EFCAB6: variants seen among roughly 807,000 people sequenced by gnomAD.
EFCAB6 encodes EF-hand calcium-binding domain-containing protein 6.
In EFCAB6, 156 loss-of-function variants were observed where a neutral mutation model predicts 169.8. The observed-to-expected ratio is 0.92, with a 90% CI of 0.81 to 1.05. The LOEUF is 1.05. Among genes scored for constraint, EFCAB6 ranks in the 50% least tolerant of loss-of-function variants. EFCAB6 has a pLI of 0.00. For synonymous variants in EFCAB6, 698 were observed against 676.4 expected, an observed-to-expected ratio of 1.03 and a Z score of -0.50; for missense variants, 1,800 against 1,829.1, an observed-to-expected ratio of 0.98 and a Z score of 0.29.
chr22:43,596,889 GCATAAA>G (rs1378419469), intron 23 of EFCAB6, among the ~76,000 whole-genome samples: 1 of 152,134 alleles, frequency 6.6e-6, no homozygotes, highest in Non-Finnish European at 1.5e-5. Context: ...CATTGTACTG[GCATAAA>G]AGCAGACACA....
intron 10 of EFCAB6, among the ~76,000 whole-genome samples, chr22:43,709,757 T>C (rs577271776): frequency 6.6e-6 from 1 of 152,330 alleles, no homozygotes; most frequent in Non-Finnish European, 1.5e-5. Context: ...GCATAAGTTT[T>C]AGCGAGGCAA....
At chr22:43,593,260 G>A (rs1464761216) in intron 23 of EFCAB6, among the ~76,000 whole-genome samples, 1 of 152,190 alleles carries the variant, frequency 6.6e-6, no homozygotes, top group African/African-American at 2.4e-5. Flanking sequence ...GGGAGTGGGT[G>A]AGAGTGAACT....
chr22:43,648,388 C>A (rs2056293646), intron 17 of EFCAB6, among the ~76,000 whole-genome samples: 1 of 152,182 alleles, frequency 6.6e-6, no homozygotes, highest in Admixed American at 6.5e-5. Flanking sequence ...TAAAAAAAGA[C>A]TGAAATCATG....
In EFCAB6 at chr22:43,635,082, T is replaced by C; in HGVS notation, c.2098+20A>G. The C allele has an allele frequency of 6.2e-7, 1 of 1,604,032 alleles. No individual in the cohort carries two copies. The highest frequency in any genetic ancestry group is 8.5e-7 in the Non-Finnish European group (1 of 1,170,702). ...CACCCAGGACGCATCCCACAGGGTGTGGACTTGGCCATTAGCTACCTTCAA... is the reference window on the plus strand; with the variant it reads ...CACCCAGGACGCATCCCACAGGGTGCGGACTTGGCCATTAGCTACCTTCAA... On this transcript the variant is annotated intron_variant, in intron 18 of 31. Transcript: ENST00000262726.
Position 43,731,709 on chromosome 22 carries a change from C to A in EFCAB6, c.747G>T (p.Met249Ile). Residue 249 changes from methionine (M) to isoleucine (I), a missense_variant, in exon 8 of 32, where the codon ATG (methionine) becomes ATT (isoleucine). By Grantham distance (10) the Met-to-Ile change is conservative. Transcript: ENST00000262726. Reference sequence around the variant, plus strand: ...TTTAAAAATACTTACCTTGATTTCCCATACAATATCTAAGGTTCAAGTCGT... The same window carrying A: ...TTTAAAAATACTTACCTTGATTTCCAATACAATATCTAAGGTTCAAGTCGT... Reference protein sequence around the residue: ...INNDLNLRYCMGNQEVSLENQ... With the variant: ...INNDLNLRYCIGNQEVSLENQ... The A allele has an allele frequency of 6.3e-7, 1 of 1,580,666 alleles. No homozygotes were observed. The highest frequency in any genetic ancestry group is 1.9e-5 in the Admixed American group (1 of 53,554).
At chr22:43,554,755 A>G (rs2048597829) in intron 27 of EFCAB6, 114 bp downstream of exon 27, 1 of 901,374 alleles carries the variant, frequency 1.1e-6, no homozygotes, top group Non-Finnish European at 1.7e-6. Context: ...AAATAACAAA[A>G]CTGCAAGCAT....
intron 26 of EFCAB6, among the ~76,000 whole-genome samples, chr22:43,574,015 G>T (rs368512032): frequency 8.5e-5 from 13 of 152,090 alleles, no homozygotes; most frequent in Admixed American, 3.3e-4. Flanking sequence ...TCAATAAAAC[G>T]ATTCCTATCC....
chr22:43,665,150 C>A (rs530022375), intron 17 of EFCAB6, among the ~76,000 whole-genome samples: 1 of 152,272 alleles, frequency 6.6e-6, no homozygotes, highest in East Asian at 1.9e-4. Flanking sequence ...AGCGGCCCCT[C>A]TTTGGCTGTG....
At chr22:43,632,349 G>C in intron 18 of EFCAB6, 111 bp from the exon 19 acceptor site, 4 of 1,434,866 alleles carry the variant, frequency 2.8e-6, no homozygotes, top group Non-Finnish European at 3.7e-6. Context: ...GCCCAGGCTG[G>C]AGCGCAGTGG....
intron 6 of EFCAB6, among the ~76,000 whole-genome samples, chr22:43,738,908 C>T (rs150019071): frequency 0.01 from 1,536 of 152,308 alleles, 10 homozygotes; most frequent in Middle Eastern, 0.034. Flanking sequence ...AAGGGATGAA[C>T]CTCCGTGATC....
At chr22:43,735,659 G>C (rs954442577) in intron 7 of EFCAB6, among the ~76,000 whole-genome samples, 198 bp downstream of exon 7, 1 of 152,176 alleles carries the variant, frequency 6.6e-6, no homozygotes, top group Non-Finnish European at 1.5e-5. Flanking sequence ...AGAACCATTA[G>C]CTCTCATTTT....
intron 2 of EFCAB6, among the ~76,000 whole-genome samples, chr22:43,791,909 T>A (rs559361019): frequency 6.6e-6 from 1 of 152,250 alleles, no homozygotes; most frequent in African/African-American, 2.4e-5. Context: ...GGCAACCTAG[T>A]AGCAGGGCAA....
intron 13 of EFCAB6, among the ~76,000 whole-genome samples, chr22:43,675,567 A>G (rs1027819752): frequency 1.4e-5 from 2 of 144,732 alleles, no homozygotes; most frequent in African/African-American, 5.1e-5. Context: ...ATATATCCAG[A>G]TATAGTATAT....
intron 24 of EFCAB6, among the ~76,000 whole-genome samples, chr22:43,587,880 T>C (rs1193871049): frequency 1.3e-5 from 2 of 152,226 alleles, no homozygotes; most frequent in Admixed American, 1.3e-4. Flanking sequence ...GAGTCTTCTC[T>C]CGTTGGGTTG....
chr22:43,617,324 A>G (rs896914606), intron 20 of EFCAB6, among the ~76,000 whole-genome samples: 1 of 152,162 alleles, frequency 6.6e-6, no homozygotes, highest in Non-Finnish European at 1.5e-5. Context: ...AACCTCCCCA[A>G]AGTGCTGTCA....
chr22:43,631,401 G>A (rs111725104), intron 19 of EFCAB6, among the ~76,000 whole-genome samples: 600 of 151,900 alleles, frequency 3.9e-3, no homozygotes, highest in Middle Eastern at 0.014. Flanking sequence ...CACGCGCCAC[G>A]CACACCTCCA....
At chr22:43,563,194 G>T (rs1452425663) in intron 26 of EFCAB6, among the ~76,000 whole-genome samples, 1 of 152,104 alleles carries the variant, frequency 6.6e-6, no homozygotes, top group East Asian at 1.9e-4. Context: ...TGGGCCTGAA[G>T]AGTGGGGACA....
intron 17 of EFCAB6, among the ~76,000 whole-genome samples, chr22:43,660,780 G>A (rs533620351): frequency 1.0e-3 from 152 of 152,294 alleles, no homozygotes; most frequent in Middle Eastern, 3.4e-3. Flanking sequence ...CAGCTAGCCT[G>A]CATGCATGAA....
chr22:43,712,336 C>T (rs1453687800), intron 9 of EFCAB6, among the ~76,000 whole-genome samples: 1 of 61,982 alleles, frequency 1.6e-5, no homozygotes, highest in Non-Finnish European at 3.6e-5. Context: ...TGTCTGAATT[C>T]AATTTTTTCC....
Sources: allele counts gnomAD v4.1 joint callset (sites outside exome capture counted in the v4.1 genomes callset), GRCh38; gene constraint gnomAD v4.1.1; transcripts MANE v1.5; gene names NCBI Gene and HGNC (gene_info 2026-07-23, HGNC 2026-07-21).